The following CHRNA3 variants were observed in gnomAD, a reference collection of about 807,000 sequenced individuals.
CHRNA3 encodes the protein neuronal acetylcholine receptor subunit alpha-3.
A neutral mutation model predicts 41.9 loss-of-function variants in CHRNA3; 34 were observed. That is an observed-to-expected ratio of 0.81 (90% confidence interval 0.62 to 1.08). The LOEUF (loss-of-function observed/expected upper bound fraction) is 1.08. CHRNA3 is among the 50% of genes least tolerant of loss of function. The probability of loss-of-function intolerance (pLI) is 0.00; values close to 1 mark genes in which losing one functional copy is unlikely to be tolerated. For missense variants in CHRNA3, 542 were observed against 638.3 expected (o/e 0.85, Z 1.63); for synonymous variants, 281 against 265.2 (o/e 1.06, Z -0.58).
At chr15:78,606,025 G>A (rs1287387276) in intron 4 of CHRNA3, among the ~76,000 whole-genome samples, 1 of 152,026 alleles carries the variant, frequency 6.6e-6, no homozygotes, top group Non-Finnish European at 1.5e-5. Context: ...AAAACATATT[G>A]TAAGAAAAAC....
Position 78,620,835 on chromosome 15 carries a change from G to A in CHRNA3, c.-41C>T. ...TGGCCGCGGACCCGGACGGTCGGGA[G>A]CGGGCGCGGCGGTCGCAGAGACGGC... On this transcript the variant is annotated 5_prime_UTR_variant, in exon 1 of 6. Transcript: ENST00000326828. 2 of 1,334,768 alleles carry A rather than the reference G, an allele frequency of 1.5e-6. No homozygotes were observed. Among genetic ancestry groups the A allele is most frequent in the Non-Finnish European group, 9.5e-7 (1 of 1,052,316 alleles). 82.7% of individuals were successfully genotyped at this position (1,334,768 alleles called of 1,614,324 possible).
chr15:78,608,305 A>G (rs112878080), intron 4 of CHRNA3, among the ~76,000 whole-genome samples: 43,186 of 152,014 alleles, frequency 0.28, 6,632 homozygotes, highest in Middle Eastern at 0.41. Flanking sequence ...TAACTGGGAG[A>G]CACCCCCCAA....
At chr15:78,616,126 AC>A (rs2053457601) in intron 4 of CHRNA3, among the ~76,000 whole-genome samples, 1 of 151,314 alleles carries the variant, frequency 6.6e-6, no homozygotes. Context: ...GCCAAGGCAG[AC>A]AGATTGCTTG....
intron 1 of CHRNA3, chr15:78,619,134 AG>A (rs2053511646): frequency 1.7e-6 from 1 of 592,008 alleles, no homozygotes; most frequent in Non-Finnish European, 3.0e-6. Context: ...TTCAGTGAGA[AG>A]CACAGTGGTT....
At position 78,601,815 on chromosome 15, in the gene CHRNA3, C is replaced by G; in HGVS notation, c.827G>C (p.Cys276Ser). The change falls in exon 5 of 6, where the codon TGC (cysteine) becomes TCC (serine). Residue 276 changes from cysteine to serine, a missense_variant. By Grantham distance (112) the Cys-to-Ser change is moderately radical. Transcript: ENST00000326828. Reference sequence around the variant, plus strand: ...CGTCAGGGAGAGGAGGACAGAAATGCACAGGGTCACCTTCTCACCGCAGTC... The same window carrying G: ...CGTCAGGGAGAGGAGGACAGAAATGGACAGGGTCACCTTCTCACCGCAGTC... ...PSDCGEKVTL[C>S]ISVLLSLTVF... 1.2e-6 allele frequency: 2 copies of G among 1,614,148 alleles called. No individual in the cohort carries two copies. The highest frequency in any genetic ancestry group is 1.1e-5 in the South Asian group (1 of 91,080).
At chr15:78,603,898 G>T (rs1424181007) in intron 4 of CHRNA3, among the ~76,000 whole-genome samples, 1 of 152,144 alleles carries the variant, frequency 6.6e-6, no homozygotes, top group Non-Finnish European at 1.5e-5. Context: ...AGAGGTAGGA[G>T]GGTGGGGTGG....
intron 5 of CHRNA3, 39 bp from the exon 6 acceptor site, chr15:78,596,771 G>C (rs779173286): frequency 1.3e-6 from 2 of 1,579,062 alleles, no homozygotes; most frequent in Non-Finnish European, 1.7e-6. Flanking sequence ...AACATGGAGG[G>C]AAAGGCAAAT....
At chr15:78,614,428 C>A (rs1055484200) in intron 4 of CHRNA3, among the ~76,000 whole-genome samples, 12 of 152,100 alleles carry the variant, frequency 7.9e-5, no homozygotes, top group Non-Finnish European at 4.4e-5. Context: ...AAATTACATA[C>A]AAGAAACATT....
In CHRNA3 at chr15:78,618,918, G is replaced by A. The variant is rs1567094784; in HGVS notation, c.83-3C>T. On this transcript the variant is annotated splice_region_variant and splice_polypyrimidine_tract_variant and intron_variant, in intron 1 of 5. Transcript: ENST00000326828. ...CTCAGCCTCTGAGGCCCTGGCCACT[G>A]TGGGAAGCAGCCCTGTCAGTCCCTG... The A allele has an allele frequency of 1.2e-6, 2 of 1,613,030 alleles. No homozygotes were observed. The highest frequency in any genetic ancestry group is 1.3e-5 in the African/African-American group (1 of 75,034).
At chr15:78,614,748 C>T (rs1372151040) in intron 4 of CHRNA3, among the ~76,000 whole-genome samples, 1 of 152,136 alleles carries the variant, frequency 6.6e-6, no homozygotes, top group Admixed American at 6.5e-5. Flanking sequence ...AACATTTTAA[C>T]TCTAAAATGC....
chr15:78,616,996 A>C (rs781637649), intron 4 of CHRNA3, 28 bp downstream of exon 4: 1 of 1,537,128 alleles, frequency 6.5e-7, no homozygotes, highest in Admixed American at 1.7e-5. Flanking sequence ...GACAGCCCTG[A>C]GAGGGCGTGG....
intron 4 of CHRNA3, 97 bp from the exon 5 acceptor site, chr15:78,602,361 G>A (rs2053219515): frequency 1.5e-6 from 2 of 1,292,952 alleles, no homozygotes; most frequent in Non-Finnish European, 2.1e-6. Flanking sequence ...GTAATGATTT[G>A]GAAGGCACTG....
chr15:78,602,555 G>A (rs1017385903), intron 4 of CHRNA3, among the ~76,000 whole-genome samples: 3 of 152,174 alleles, frequency 2.0e-5, no homozygotes, highest in East Asian at 1.9e-4. Flanking sequence ...CCAAATGCCC[G>A]AAGAGGATTG....
Position 78,601,847 on chromosome 15 carries a change from C to A in CHRNA3, c.795G>T (p.Leu265=). The change falls in exon 5 of 6, where the codon CTG becomes CTT. Residue 265 remains leucine (L), a synonymous_variant. Transcript: ENST00000326828. The part of the protein sequence containing the change: ...ISFLTVLVFY[L]PSDCGEKVTL... ...TCACCTTCTCACCGCAGTCGGAGGG[C>A]AGGTAGAAGACGAGCACAGTGAGGA... 1 of 1,614,004 alleles carries A rather than the reference C, an allele frequency of 6.2e-7. No individual in the cohort carries two copies.
chr15:78,615,485 G>A (rs749651146), intron 4 of CHRNA3, among the ~76,000 whole-genome samples: 2 of 151,988 alleles, frequency 1.3e-5, no homozygotes, highest in Non-Finnish European at 2.9e-5. Context: ...ATCCACTCTG[G>A]GCCTCAGTCC....
intron 4 of CHRNA3, among the ~76,000 whole-genome samples, chr15:78,613,907 C>T (rs1174915010): frequency 6.6e-6 from 1 of 151,530 alleles, no homozygotes; most frequent in Non-Finnish European, 1.5e-5. Context: ...GATCATGCCA[C>T]TGCACTCCAG....
At chr15:78,600,424 T>C (rs1267912968) in intron 5 of CHRNA3, among the ~76,000 whole-genome samples, 1 of 152,138 alleles carries the variant, frequency 6.6e-6, no homozygotes, top group East Asian at 1.9e-4. Context: ...GGCAAGGGCA[T>C]TGGGGAACTT....
intron 5 of CHRNA3, 88 bp from the exon 6 acceptor site, chr15:78,596,820 G>A (rs2053120598): frequency 6.8e-7 from 1 of 1,480,134 alleles, no homozygotes; most frequent in Non-Finnish European, 8.9e-7. Context: ...TCAACACGTT[G>A]CAGTAGAAGC....
At position 78,618,824 on chromosome 15, in the gene CHRNA3, G is replaced by T; in HGVS notation, c.174C>A (p.Asp58Glu). The T allele has an allele frequency of 1.2e-6, 2 of 1,614,012 alleles. No homozygotes were observed. Among genetic ancestry groups the T allele is most frequent in the Non-Finnish European group, 1.7e-6 (2 of 1,179,920 alleles). ...ACACCTCGAAATGGATGATGACTGG[G>T]TCAGACACGTTGGCTACAGGCCGGA... ...EIIRPVANVS[D>E]PVIIHFEVSM... Residue 58 changes from aspartate to glutamate, a missense_variant, in exon 2 of 6, where the codon GAC becomes GAA. Transcript: ENST00000326828.
Sources: gnomAD v4.1 joint callset for allele counts (sites outside exome capture counted in the v4.1 genomes callset) on GRCh38, gnomAD v4.1.1 for gene constraint, MANE v1.5 for transcripts, NCBI Gene and HGNC (gene_info 2026-07-23, HGNC 2026-07-21) for gene names.